FOXP2: variants seen among roughly 807,000 people sequenced by gnomAD.
FOXP2 encodes forkhead box protein P2.
FOXP2 carries 12 observed loss-of-function variants against 115.8 expected under a neutral mutation model. That is an observed-to-expected ratio of 0.10 (90% CI 0.07 to 0.17). FOXP2 has a LOEUF of 0.17. Among genes scored for constraint, FOXP2 ranks in the 10% least tolerant of loss-of-function variants. The pLI is 1.00. For missense variants in FOXP2, 629 were observed against 843.5 expected (o/e 0.75, Z 3.15); for synonymous variants, 328 against 297.7 (o/e 1.10, Z -1.05).
chr7:114,290,469 T>C (rs1796565462), intron 2 of FOXP2, among the ~76,000 whole-genome samples: 1 of 152,074 alleles, frequency 6.6e-6, no homozygotes, highest in African/African-American at 2.4e-5. Flanking sequence ...TAGAAATAAT[T>C]TTCATTCATA....
chr7:114,475,892 A>G (rs1469342876), intron 2 of FOXP2, among the ~76,000 whole-genome samples: 1 of 151,990 alleles, frequency 6.6e-6, no homozygotes, highest in African/African-American at 2.4e-5. Flanking sequence ...TTCCTTAATT[A>G]ATAGTCAAAA....
chr7:114,278,382 G>A (rs923745791), intron 1 of FOXP2, among the ~76,000 whole-genome samples: 1 of 151,202 alleles, frequency 6.6e-6, no homozygotes, highest in Non-Finnish European at 1.5e-5. Context: ...TTGAGATGGA[G>A]TCTCACTCTG....
chr7:114,354,201 G>A (rs1352142669), intron 2 of FOXP2, among the ~76,000 whole-genome samples: 1 of 152,036 alleles, frequency 6.6e-6, no homozygotes, highest in Non-Finnish European at 1.5e-5. Context: ...TTGGGCCTTT[G>A]TACTCATACT....
At chr7:114,547,663 A>G (rs946439394) in intron 3 of FOXP2, among the ~76,000 whole-genome samples, 2 of 152,068 alleles carry the variant, frequency 1.3e-5, no homozygotes, top group African/African-American at 4.8e-5. Context: ...GGAGGCTGAG[A>G]CAGGAGAATT....
At chr7:114,220,188 A>G (rs1794587797) in intron 1 of FOXP2, among the ~76,000 whole-genome samples, 1 of 152,154 alleles carries the variant, frequency 6.6e-6, no homozygotes, top group African/African-American at 2.4e-5. Context: ...AAGGCTTTTT[A>G]TAAAGCTTGA....
chr7:114,278,004 G>C (rs1796229980), intron 1 of FOXP2, among the ~76,000 whole-genome samples: 1 of 146,692 alleles, frequency 6.8e-6, no homozygotes, highest in Non-Finnish European at 1.5e-5. Context: ...TCTAGCCTGG[G>C]CGAAAGAGTG....
chr7:114,215,598 A>G (rs1794466197), intron 1 of FOXP2, among the ~76,000 whole-genome samples: 1 of 151,906 alleles, frequency 6.6e-6, no homozygotes. Flanking sequence ...TCCTCTTTCT[A>G]GCTCCTTACT....
intron 1 of FOXP2, among the ~76,000 whole-genome samples, chr7:114,176,298 T>TCTCTCTCTCTCTCTC (rs1554426475): frequency 1.3e-5 from 1 of 76,516 alleles, no homozygotes; most frequent in African/African-American, 5.4e-5. Flanking sequence ...CTTTCTTTCT[T>TCTCTCTCTCTCTCTC]TCTCTCTCTC....
At chr7:114,325,715 T>G (rs1159759382) in intron 2 of FOXP2, among the ~76,000 whole-genome samples, 2 of 152,080 alleles carry the variant, frequency 1.3e-5, no homozygotes, top group East Asian at 3.9e-4. Context: ...AGAATAGGAA[T>G]GGATCACAGA....
At chr7:114,153,655 A>G (rs1183738589) in intron 1 of FOXP2, among the ~76,000 whole-genome samples, 2 of 152,136 alleles carry the variant, frequency 1.3e-5, no homozygotes, top group South Asian at 4.1e-4. Flanking sequence ...TAACTCTTGA[A>G]TGTACCAGAC....
chr7:114,115,741 A>C (rs899425518), intron 1 of FOXP2, among the ~76,000 whole-genome samples: 1 of 152,116 alleles, frequency 6.6e-6, no homozygotes, highest in Non-Finnish European at 1.5e-5. Context: ...TGACACATTC[A>C]TCATGGCAGG....
chr7:114,401,826 A>C (rs1463892058), intron 2 of FOXP2, among the ~76,000 whole-genome samples: 3 of 152,218 alleles, frequency 2.0e-5, no homozygotes, highest in African/African-American at 7.2e-5. Context: ...AAGCATACTA[A>C]AAAGGATATA....
chr7:114,325,115 CT>C (rs1797524462), intron 2 of FOXP2, among the ~76,000 whole-genome samples: 1 of 151,720 alleles, frequency 6.6e-6, no homozygotes, highest in Non-Finnish European at 1.5e-5. Context: ...AAATTTAATT[CT>C]TTAAAAAATG....
rs576410390 is a variant in FOXP2, at chr7:114,678,729, C to T, written c.2004-11053C>T. ...AATGTTATTGTGGCCATTGCTGTTA[C>T]TAGCACCTTAATCACAGAGAAGACT... On this transcript the variant is annotated intron_variant, in intron 16 of 16. Transcript: ENST00000350908. Among the ~76,000 whole-genome samples, 121 of 152,098 alleles carry T rather than the reference C, an allele frequency of 8.0e-4. 2 individuals are homozygous for T. The South Asian group carries it at 0.019, about 24-fold the overall frequency.
At chr7:114,567,425 C>A (rs1353568527) in intron 3 of FOXP2, among the ~76,000 whole-genome samples, 1 of 152,116 alleles carries the variant, frequency 6.6e-6, no homozygotes, top group Admixed American at 6.6e-5. Context: ...AGCATACTAT[C>A]TCCAGAGCCA....
chr7:114,548,921 C>T (rs964658658), intron 3 of FOXP2, among the ~76,000 whole-genome samples: 34 of 152,106 alleles, frequency 2.2e-4, no homozygotes, highest in African/African-American at 7.2e-4. Context: ...AAGTTCAGAG[C>T]AGAAAAATGT....
chr7:114,311,733 G>A (rs1487439155), intron 2 of FOXP2, among the ~76,000 whole-genome samples: 1 of 152,080 alleles, frequency 6.6e-6, no homozygotes, highest in East Asian at 1.9e-4. Context: ...AGGGACAGTA[G>A]GAGCAGTGGG....
At chr7:114,467,547 G>A (rs1193074445) in intron 2 of FOXP2, among the ~76,000 whole-genome samples, 1 of 152,062 alleles carries the variant, frequency 6.6e-6, no homozygotes, top group Non-Finnish European at 1.5e-5. Flanking sequence ...TGCAACTATT[G>A]CAACTGTGAA....
At chr7:114,172,523 T>TTA (rs1414317485) in intron 1 of FOXP2, among the ~76,000 whole-genome samples, 1 of 152,140 alleles carries the variant, frequency 6.6e-6, no homozygotes, top group African/African-American at 2.4e-5. Context: ...AATGGTAATG[T>TTA]ATCAGTTAGG....
Sources: allele counts gnomAD v4.1 joint callset (sites outside exome capture counted in the v4.1 genomes callset), GRCh38; gene constraint gnomAD v4.1.1; transcripts MANE v1.5; gene names NCBI Gene and HGNC (gene_info 2026-07-23, HGNC 2026-07-21).